The following CCDC34 variants were observed in gnomAD, a reference collection of about 807,000 sequenced individuals.
The protein encoded by CCDC34 is coiled-coil domain containing 34.
CCDC34 carries 40 observed loss-of-function variants against 44.1 expected under a neutral mutation model. The ratio of observed to expected loss-of-function variants is 0.91; its 90% CI spans 0.70 to 1.18. CCDC34 has a LOEUF of 1.18. Among genes scored for constraint, CCDC34 ranks in the 50% most tolerant of loss-of-function variants. The pLI is 0.00. For missense variants in CCDC34, 466 were observed against 452.3 expected, an observed-to-expected ratio of 1.03 and a Z score of -0.28; for synonymous variants, 159 against 158.2, an observed-to-expected ratio of 1.01 and a Z score of -0.04.
At chr11:27,341,820 G>C (rs1027276010) in intron 3 of CCDC34, among the ~76,000 whole-genome samples, 16 of 152,172 alleles carry the variant, frequency 1.1e-4, no homozygotes, top group Non-Finnish European at 2.4e-4. Flanking sequence ...GGGCAGTACT[G>C]AGTGAAAAGC....
intron 1 of CCDC34, 70 bp downstream of exon 1, chr11:27,362,766 G>T (rs1208924829): frequency 1.3e-6 from 2 of 1,523,114 alleles, no homozygotes; most frequent in African/African-American, 2.8e-5. Context: ...GAGGATGTTA[G>T]AAGGGGGTAC....
At chr11:27,361,051 T>C (rs1308822125) in intron 1 of CCDC34, among the ~76,000 whole-genome samples, 1 of 152,190 alleles carries the variant, frequency 6.6e-6, no homozygotes, top group Non-Finnish European at 1.5e-5. Context: ...AAGTGGGAAA[T>C]GGACATGCAG....
chr11:27,345,158 G>C (rs781491948), intron 3 of CCDC34, among the ~76,000 whole-genome samples: 12 of 152,120 alleles, frequency 7.9e-5, no homozygotes, highest in Non-Finnish European at 1.5e-4. Context: ...AATCTTGACC[G>C]TTAATGCATA....
intron 2 of CCDC34, among the ~76,000 whole-genome samples, chr11:27,356,661 G>A (rs534263778): frequency 1.3e-5 from 2 of 151,376 alleles, no homozygotes; most frequent in African/African-American, 2.4e-5. Flanking sequence ...AAAAATATGT[G>A]AATATTCTCA....
chr11:27,338,890 T>C lies in CCDC34; in HGVS notation c.1053A>G (p.Ser351=). 6.2e-7 allele frequency: 1 copy of C among 1,613,966 alleles called. No homozygotes were observed. The highest frequency in any genetic ancestry group is 1.3e-5 in the African/African-American group (1 of 75,048). Residue 351 remains serine (S), a synonymous_variant, in exon 6 of 6, where the codon TCA becomes TCG. Coordinates refer to ENST00000328697, the MANE Select transcript of CCDC34 (RefSeq NM_030771.2). ...KRPVISQPHK[S]SSLVIHKARS... ...TGGCTTTATGAATTACCAGAGATGA[T>C]GACTTGTGTGGCTGACTTATCACAG...
intron 5 of CCDC34, among the ~76,000 whole-genome samples, chr11:27,339,398 T>TA (rs1295162737): frequency 6.6e-6 from 1 of 152,206 alleles, no homozygotes; most frequent in Non-Finnish European, 1.5e-5. Context: ...ACTGATTGTG[T>TA]ACTAGCTTCC....
intron 3 of CCDC34, among the ~76,000 whole-genome samples, chr11:27,346,007 G>A (rs1354273542): frequency 1.3e-5 from 2 of 151,842 alleles, no homozygotes; most frequent in Admixed American, 6.6e-5. Context: ...ATCTCATTGT[G>A]GTTTTGATTT....
At chr11:27,339,961 C>T (rs1218871961) in intron 5 of CCDC34, among the ~76,000 whole-genome samples, 1 of 151,342 alleles carries the variant, frequency 6.6e-6, no homozygotes, top group Non-Finnish European at 1.5e-5. Flanking sequence ...GGGACATGCT[C>T]AGTAGCTAAA....
In CCDC34 at chr11:27,362,848, T is replaced by TGTAA. The variant is rs758976512; in HGVS notation, c.343_346dup (p.Gln116LeufsTer10). On this transcript the variant is annotated frameshift_variant, in exon 1 of 6. Coordinates refer to ENST00000328697, the MANE Select transcript of CCDC34 (RefSeq NM_030771.2). LOFTEE classifies it high-confidence loss of function. ...GCCTCGGGTTTACCTGGCGCACCCC[T>TGTAA]GTAACTCCATTCCTCTCAGGCTCGC... is the stretch of plus-strand genomic sequence containing the variant. The TGTAA allele has an allele frequency of 1.2e-6, 2 of 1,613,894 alleles. No homozygotes were observed. The highest frequency in any genetic ancestry group is 2.2e-5 in the South Asian group (2 of 91,046).
At chr11:27,362,060 C>A (rs1245367090) in intron 1 of CCDC34, among the ~76,000 whole-genome samples, 1 of 152,060 alleles carries the variant, frequency 6.6e-6, no homozygotes, top group Non-Finnish European at 1.5e-5. Context: ...AGGTGCATGC[C>A]TTTGAGTCAC....
At chr11:27,360,606 A>G (rs1218079540) in intron 1 of CCDC34, among the ~76,000 whole-genome samples, 1 of 152,182 alleles carries the variant, frequency 6.6e-6, no homozygotes. Flanking sequence ...TGCTCTCTTC[A>G]TCCTGTCACC....
intron 5 of CCDC34, among the ~76,000 whole-genome samples, chr11:27,340,340 C>T (rs1862337869): frequency 6.6e-6 from 1 of 152,044 alleles, no homozygotes; most frequent in Admixed American, 6.6e-5. Context: ...GAAGCTCTGC[C>T]TTAGAGAGGG....
At position 27,357,436 on chromosome 11, in the gene CCDC34, T is replaced by C. The variant is rs141376786; in HGVS notation, c.465A>G (p.Glu155=). The C allele has an allele frequency of 3.6e-5, 58 of 1,613,910 alleles. No homozygotes were observed. The highest frequency in any genetic ancestry group is 4.4e-5 in the Non-Finnish European group (52 of 1,179,920). The change falls in exon 2 of 6, where the codon GAA becomes GAG. Residue 155 remains glutamate (E), a synonymous_variant. Coordinates refer to ENST00000328697, the MANE Select transcript of CCDC34 (RefSeq NM_030771.2). ...CTTTCAGTTGCAGCCGGTCACGTTCTTCTTTTTCTTTGCCAATAAACCACA... is the reference window on the plus strand; with the variant it reads ...CTTTCAGTTGCAGCCGGTCACGTTCCTCTTTTTCTTTGCCAATAAACCACA... The part of the protein sequence containing the change: ...WEVWFIGKEK[E]ERDRLQLKAL...
At chr11:27,348,211 T>C (rs937237628) in intron 3 of CCDC34, among the ~76,000 whole-genome samples, 9 of 152,196 alleles carry the variant, frequency 5.9e-5, no homozygotes, top group Non-Finnish European at 4.4e-5. Flanking sequence ...TCTCCAATAG[T>C]GCCTCGCACA....
intron 5 of CCDC34, 96 bp from the exon 6 acceptor site, chr11:27,339,131 T>G: frequency 1.2e-6 from 1 of 849,604 alleles, no homozygotes; most frequent in Non-Finnish European, 1.9e-6. Context: ...AAATGTCAAA[T>G]GGACAAATTA....
At chr11:27,357,696 A>C (rs1353879587) in intron 1 of CCDC34, among the ~76,000 whole-genome samples, 155 bp from the exon 2 acceptor site, 1 of 152,244 alleles carries the variant, frequency 6.6e-6, no homozygotes, top group Admixed American at 6.5e-5. Context: ...GTATACATTT[A>C]AAAAATCATG....
intron 3 of CCDC34, among the ~76,000 whole-genome samples, chr11:27,344,394 CAT>C (rs1862404682): frequency 6.6e-6 from 1 of 151,306 alleles, no homozygotes; most frequent in Admixed American, 6.6e-5. Flanking sequence ...ATGCATGCTG[CAT>C]GTTACAAACA....
At chr11:27,355,836 A>G (rs1303868992) in intron 2 of CCDC34, among the ~76,000 whole-genome samples, 3 of 152,126 alleles carry the variant, frequency 2.0e-5, no homozygotes, top group African/African-American at 7.2e-5. Flanking sequence ...AATACAAAGT[A>G]TCATACAATA....
chr11:27,348,017 G>A (rs115303798), intron 3 of CCDC34, among the ~76,000 whole-genome samples: 2,089 of 152,104 alleles, frequency 0.014, 48 homozygotes, highest in African/African-American at 0.048. Context: ...CACTACTACC[G>A]AGAGAGGAAC....
Sources: allele counts gnomAD v4.1 joint callset (sites outside exome capture counted in the v4.1 genomes callset), GRCh38; gene constraint gnomAD v4.1.1; transcripts MANE v1.5; gene names NCBI Gene and HGNC (gene_info 2026-07-23, HGNC 2026-07-21).